GTPBP10: variants seen among roughly 807,000 people sequenced by gnomAD.
The protein encoded by GTPBP10 is GTP-binding protein 10.
A neutral mutation model predicts 44.8 loss-of-function variants in GTPBP10; 38 were observed. That is an observed-to-expected ratio of 0.85 (90% confidence interval 0.65 to 1.11). The LOEUF is 1.11. Among genes scored for constraint, GTPBP10 ranks in the 50% most tolerant of loss-of-function variants. The pLI, the probability that GTPBP10 is intolerant of heterozygous loss-of-function variation, is 0.00. For missense variants in GTPBP10, 462 were observed against 453.7 expected (o/e 1.02, Z -0.17); for synonymous variants, 152 against 150.6 (o/e 1.01, Z -0.07).
At chr7:90,346,975 G>T (rs1795688836) in intron 1 of GTPBP10, among the ~76,000 whole-genome samples, 1 of 152,208 alleles carries the variant, frequency 6.6e-6, no homozygotes, top group African/African-American at 2.4e-5. Flanking sequence ...TTGGACGGTT[G>T]TTTGGGGGCA....
chr7:90,354,765 A>T (rs571894370), intron 3 of GTPBP10, among the ~76,000 whole-genome samples: 1 of 152,188 alleles, frequency 6.6e-6, no homozygotes, highest in Admixed American at 6.5e-5. Context: ...CTTAAAATAT[A>T]TAACTAGGCT....
At position 90,355,274 on chromosome 7, in the gene GTPBP10, A is replaced by G. The variant is rs374944793; in HGVS notation, c.464+44A>G. The G allele has an allele frequency of 9.7e-6, 12 of 1,238,946 alleles. No homozygotes were observed. The East Asian group carries it at 2.9e-4, about 30-fold the overall frequency. The allele number at this position is 1,238,946 out of a possible 1,614,324, so 76.7% of individuals were successfully genotyped here. A position where few individuals can be genotyped will look rare whatever the true frequency, so the allele number is the denominator to read the frequency against. On this transcript the variant is annotated intron_variant, in intron 4 of 9. Transcript: ENST00000222511. ...TTTATTATTATACTTTCAGAGAGAG[A>G]GTTCTTGAATAGAAAATAAATGTAA...
chr7:90,376,272 A>G, intron 6 of GTPBP10, among the ~76,000 whole-genome samples: 1 of 152,070 alleles, frequency 6.6e-6, no homozygotes, highest in South Asian at 2.1e-4. Flanking sequence ...AATGATGGTT[A>G]ATAATGATTA....
intron 5 of GTPBP10, among the ~76,000 whole-genome samples, chr7:90,373,376 G>C (rs1338084003): frequency 1.3e-5 from 2 of 152,168 alleles, no homozygotes; most frequent in Non-Finnish European, 1.5e-5. Context: ...GTGGTAGCTA[G>C]ATGAGATATA....
intron 8 of GTPBP10, among the ~76,000 whole-genome samples, chr7:90,378,679 A>G (rs1250106806): frequency 2.6e-5 from 4 of 152,114 alleles, no homozygotes; most frequent in Non-Finnish European, 5.9e-5. Context: ...GATGACTGCC[A>G]GATCTGTAGC....
chr7:90,364,243 GT>G, intron 4 of GTPBP10, among the ~76,000 whole-genome samples: 1 of 152,218 alleles, frequency 6.6e-6, no homozygotes, highest in South Asian at 2.1e-4. Flanking sequence ...TTTCTGCTCT[GT>G]TTTTTTCCCC....
chr7:90,363,493 C>T (rs1796068954), intron 4 of GTPBP10, among the ~76,000 whole-genome samples: 1 of 152,204 alleles, frequency 6.6e-6, no homozygotes, highest in South Asian at 2.1e-4. Context: ...AGAGTTTCTG[C>T]CGAGAGATCA....
At chr7:90,356,303 A>T (rs1424462277) in intron 4 of GTPBP10, among the ~76,000 whole-genome samples, 3 of 152,098 alleles carry the variant, frequency 2.0e-5, no homozygotes, top group Non-Finnish European at 4.4e-5. Context: ...ATTTACATTT[A>T]TTTTTTTCAA....
intron 4 of GTPBP10, among the ~76,000 whole-genome samples, chr7:90,369,782 A>G (rs144726569): frequency 1.7e-3 from 261 of 152,260 alleles, no homozygotes; most frequent in Middle Eastern, 6.8e-3. Flanking sequence ...TCCCGGGTGA[A>G]GCAACGCCCC....
chr7:90,365,066 C>A (rs572424425), intron 4 of GTPBP10, among the ~76,000 whole-genome samples: 2 of 152,328 alleles, frequency 1.3e-5, no homozygotes, highest in Non-Finnish European at 2.9e-5. Flanking sequence ...TCCCTGACCC[C>A]TTGCATTTCC....
chr7:90,371,832 A>G (rs1268037491), intron 4 of GTPBP10, among the ~76,000 whole-genome samples: 1 of 152,232 alleles, frequency 6.6e-6, no homozygotes, highest in East Asian at 1.9e-4. Context: ...TTGTCAGTGT[A>G]TAGCTGGAGT....
At chr7:90,347,873 G>A (rs1024298659) in intron 1 of GTPBP10, among the ~76,000 whole-genome samples, 3 of 152,174 alleles carry the variant, frequency 2.0e-5, no homozygotes, top group African/African-American at 7.2e-5. Flanking sequence ...ATGTAGAAAT[G>A]GCGGTATTTC....
chr7:90,380,358 G>A (rs555124190), intron 8 of GTPBP10, among the ~76,000 whole-genome samples: 81 of 152,216 alleles, frequency 5.3e-4, no homozygotes, highest in Non-Finnish European at 9.6e-4. Flanking sequence ...GATTACAGAC[G>A]TGAGCCACCA....
chr7:90,385,498 G>GT lies in GTPBP10; in HGVS notation c.*349dup, dbSNP rs1796509056. The GT allele has an allele frequency of 5.9e-6, 1 of 170,104 alleles. No homozygotes were observed. Among genetic ancestry groups the GT allele is most frequent in the Non-Finnish European group, 1.2e-5 (1 of 80,030 alleles). The allele number at this position is 170,104 out of a possible 1,614,324, so 10.5% of individuals were successfully genotyped here. A position where few individuals can be genotyped will look rare whatever the true frequency, so the allele number is the denominator to read the frequency against. ...AAAGTCACTGAGTAAATTTTAAGTG[G>GT]TTTTTCCAAAAAAGCACATAAGGTA... On this transcript the variant is annotated 3_prime_UTR_variant, in exon 10 of 10. Coordinates refer to ENST00000222511, the MANE Select transcript of GTPBP10 (RefSeq NM_033107.4).
chr7:90,348,786 C>G (rs1007124143), intron 1 of GTPBP10, among the ~76,000 whole-genome samples: 1 of 152,174 alleles, frequency 6.6e-6, no homozygotes, highest in Non-Finnish European at 1.5e-5. Flanking sequence ...CCACCATTTG[C>G]TTTGGTTTCA....
chr7:90,371,210 A>G, intron 4 of GTPBP10: 1 of 973,062 alleles, frequency 1.0e-6, no homozygotes, highest in Non-Finnish European at 1.2e-6. Flanking sequence ...GACTATTAAC[A>G]GTGTCTGTCT....
Position 90,355,086 on chromosome 7 carries a change from G to A in GTPBP10, c.320G>A (p.Gly107Glu). The A allele has an allele frequency of 1.3e-6, 2 of 1,550,472 alleles. No individual in the cohort carries two copies. The highest frequency in any genetic ancestry group is 1.8e-6 in the Non-Finnish European group (2 of 1,134,174). ...AAGTATTTCTCTCCCTCTTTTTAAG[G>A]AGAACTCAATAAAGAAAATGACAGA... ...SVTDENGKIIGELNKENDRIL... is the reference protein window; with the variant it reads ...SVTDENGKIIEELNKENDRIL... The change falls in exon 4 of 10, where the codon GGA becomes GAA. Residue 107 changes from glycine to glutamate, a missense_variant and splice_region_variant. Gly to Glu is a moderately conservative substitution (Grantham distance 98). Transcript: ENST00000222511.
intron 1 of GTPBP10, 78 bp downstream of exon 1, chr7:90,346,852 A>G (rs1268918033): frequency 3.4e-6 from 5 of 1,488,630 alleles, no homozygotes; most frequent in South Asian, 1.1e-5. Context: ...TCTCTCCACT[A>G]CTGTCTTCGT....
rs1448092416 is a variant in GTPBP10, at chr7:90,389,649, A to C, written c.*4495A>C. The C allele has an allele frequency of 6.6e-6, 1 of 152,224 alleles. No homozygotes were observed. The highest frequency in any genetic ancestry group is 1.5e-5 in the Non-Finnish European group (1 of 68,034). 9.4% of individuals were successfully genotyped at this position (152,224 alleles called of 1,614,324 possible). A position where few individuals can be genotyped will look rare whatever the true frequency, so the allele number is the denominator to read the frequency against. ...TATTAAAAAAAAATGTCTATGCCTT[A>C]TCAAAGTTTATAACTCAAGAATTAA... is the stretch of plus-strand genomic sequence containing the variant. On this transcript the variant is annotated 3_prime_UTR_variant, in exon 10 of 10. Coordinates refer to ENST00000222511, the MANE Select transcript of GTPBP10 (RefSeq NM_033107.4).
Sources: gnomAD v4.1 joint callset for allele counts (sites outside exome capture counted in the v4.1 genomes callset) on GRCh38, gnomAD v4.1.1 for gene constraint, MANE v1.5 for transcripts, NCBI Gene and HGNC (gene_info 2026-07-23, HGNC 2026-07-21) for gene names.